RSRC1: variants seen among roughly 807,000 people sequenced by gnomAD.
RSRC1 encodes serine/Arginine-related protein 53.
In RSRC1, 39 loss-of-function variants were observed where a neutral mutation model predicts 49.1. The ratio of observed to expected loss-of-function variants is 0.79; its 90% confidence interval spans 0.61 to 1.04. The LOEUF (loss-of-function observed/expected upper bound fraction) is 1.04, where lower values mean the gene tolerates loss of function less well. Ranked by LOEUF, RSRC1 falls within the 50% of genes least tolerant of loss-of-function variation. The pLI, the probability that RSRC1 is intolerant of heterozygous loss-of-function variation, is 0.00. For synonymous variants in RSRC1, 143 were observed against 130.8 expected (o/e 1.09, Z -0.63); for missense variants, 388 against 402.4 (o/e 0.96, Z 0.31).
chr3:158,213,244 T>G (rs1721779623), intron 4 of RSRC1, among the ~76,000 whole-genome samples: 1 of 151,946 alleles, frequency 6.6e-6, no homozygotes, highest in African/African-American at 2.4e-5. Context: ...ATAACATATG[T>G]CTCTTTGGAT....
chr3:158,385,179 AAAAT>A (rs1305247716), intron 6 of RSRC1, among the ~76,000 whole-genome samples: 1 of 152,166 alleles, frequency 6.6e-6, no homozygotes, highest in African/African-American at 2.4e-5. Flanking sequence ...TATTTATACA[AAAAT>A]AAATTGTGCC....
At position 158,525,190 on chromosome 3, in the gene RSRC1, G is replaced by A. The variant is rs143449149; in HGVS notation, c.653-11902G>A. Among the ~76,000 whole-genome samples, 78 of 151,986 alleles carry A rather than the reference G, an allele frequency of 5.1e-4. No individual in the cohort carries two copies. The East Asian group carries it at 9.3e-3, about 18-fold the overall frequency. On this transcript the variant is annotated intron_variant, in intron 7 of 9. Transcript: ENST00000611884. Reference sequence around the variant, plus strand: ...TGTATTAACAAAGGACTTCAATTCCGTATATATAAAGAACTCATAACTCAA... The same window carrying A: ...TGTATTAACAAAGGACTTCAATTCCATATATATAAAGAACTCATAACTCAA...
intron 4 of RSRC1, among the ~76,000 whole-genome samples, chr3:158,237,012 C>T (rs913776632): frequency 6.6e-6 from 1 of 152,128 alleles, no homozygotes; most frequent in African/African-American, 2.4e-5. Context: ...GAGGCAGTTT[C>T]AACACTCAGG....
At chr3:158,426,138 G>T (rs1560037552) in intron 6 of RSRC1, among the ~76,000 whole-genome samples, 1 of 151,742 alleles carries the variant, frequency 6.6e-6, no homozygotes, top group Admixed American at 6.6e-5. Context: ...AGAAGAAAAT[G>T]TAGGAGAATA....
At chr3:158,192,569 C>T (rs1720310801) in intron 3 of RSRC1, among the ~76,000 whole-genome samples, 1 of 151,914 alleles carries the variant, frequency 6.6e-6, no homozygotes, top group African/African-American at 2.4e-5. Context: ...GATAGAAGAC[C>T]TCACTGCTAA....
chr3:158,196,918 G>A (rs962323736), intron 3 of RSRC1, among the ~76,000 whole-genome samples: 1 of 152,120 alleles, frequency 6.6e-6, no homozygotes, highest in Non-Finnish European at 1.5e-5. Context: ...TTTTATTGAG[G>A]ATTTTTGCAT....
chr3:158,185,557 TATTC>T (rs1331102043), intron 3 of RSRC1, among the ~76,000 whole-genome samples: 1 of 151,920 alleles, frequency 6.6e-6, no homozygotes. Context: ...TTTTAAAAAT[TATTC>T]ATTCTACTCC....
intron 3 of RSRC1, among the ~76,000 whole-genome samples, chr3:158,127,429 T>C (rs76836889): frequency 0.037 from 5,701 of 152,160 alleles, 358 homozygotes; most frequent in African/African-American, 0.13. Context: ...TGTTTTCTGA[T>C]TTTATTCTTC....
intron 4 of RSRC1, among the ~76,000 whole-genome samples, chr3:158,271,073 C>G (rs1725492090): frequency 6.6e-6 from 1 of 152,102 alleles, no homozygotes; most frequent in Non-Finnish European, 1.5e-5. Context: ...AAGTATGTAG[C>G]CTTTGTAGTC....
intron 3 of RSRC1, among the ~76,000 whole-genome samples, chr3:158,192,847 GATT>G (rs1252348564): frequency 6.6e-6 from 1 of 151,992 alleles, no homozygotes; most frequent in Admixed American, 6.6e-5. Flanking sequence ...TAGTACTTCA[GATT>G]ATTATTATTC....
chr3:158,399,626 A>C (rs1170871371), intron 6 of RSRC1, among the ~76,000 whole-genome samples: 2 of 152,182 alleles, frequency 1.3e-5, no homozygotes, highest in Non-Finnish European at 2.9e-5. Context: ...CCTTGTTCAT[A>C]CTAGCCACAT....
chr3:158,535,511 A>C (rs546076432), intron 7 of RSRC1, among the ~76,000 whole-genome samples: 11 of 96,772 alleles, frequency 1.1e-4, no homozygotes, highest in African/African-American at 4.3e-4. Context: ...AAGCATTGAC[A>C]ATTCAGTAAC....
chr3:158,249,893 T>G (rs1724111918), intron 4 of RSRC1, among the ~76,000 whole-genome samples: 1 of 152,182 alleles, frequency 6.6e-6, no homozygotes. Context: ...GATCCTCTTG[T>G]GCTATCAAAT....
At chr3:158,208,266 T>C (rs1463940139) in intron 4 of RSRC1, among the ~76,000 whole-genome samples, 3 of 152,330 alleles carry the variant, frequency 2.0e-5, no homozygotes, top group Middle Eastern at 6.8e-3. Flanking sequence ...TTCTTATCTT[T>C]AGAAAATTTC....
At chr3:158,320,844 G>A (rs1728715124) in intron 5 of RSRC1, among the ~76,000 whole-genome samples, 2 of 152,050 alleles carry the variant, frequency 1.3e-5, no homozygotes, top group Non-Finnish European at 1.5e-5. Flanking sequence ...CAATTAAAGA[G>A]TTATGAACTA....
At chr3:158,285,709 A>T (rs1464077840) in intron 4 of RSRC1, among the ~76,000 whole-genome samples, 1 of 152,098 alleles carries the variant, frequency 6.6e-6, no homozygotes, top group Admixed American at 6.5e-5. Context: ...TTATTGGTGT[A>T]TAAGAATGCT....
chr3:158,537,308 A>C, intron 8 of RSRC1, 110 bp downstream of exon 8: 1 of 592,712 alleles, frequency 1.7e-6, no homozygotes. Context: ...AAGTGAAGCA[A>C]GAGAGTGTCA....
chr3:158,305,983 G>C (rs1038059982), intron 5 of RSRC1, among the ~76,000 whole-genome samples: 1 of 151,922 alleles, frequency 6.6e-6, no homozygotes, highest in Admixed American at 6.6e-5. Flanking sequence ...AACAGTTCCA[G>C]TTAATTTAAG....
intron 6 of RSRC1, among the ~76,000 whole-genome samples, chr3:158,374,619 T>G (rs1264720440): frequency 2.0e-5 from 3 of 152,174 alleles, no homozygotes; most frequent in Non-Finnish European, 4.4e-5. Context: ...ACAGTACATT[T>G]AATATATTCA....
Sources: gnomAD v4.1 joint callset for allele counts (sites outside exome capture counted in the v4.1 genomes callset) on GRCh38, gnomAD v4.1.1 for gene constraint, MANE v1.5 for transcripts, NCBI Gene and HGNC (gene_info 2026-07-23, HGNC 2026-07-21) for gene names.